The following ZC3H7B variants were observed in gnomAD, a reference collection of about 807,000 sequenced individuals.
The protein encoded by ZC3H7B is zinc finger CCCH-type containing 7B, also known as zinc finger CCCH domain-containing protein 7B.
Under a neutral mutation model 116.0 loss-of-function variants are expected in ZC3H7B, and 35 were observed. The observed-to-expected ratio is 0.30, with a 90% confidence interval of 0.23 to 0.40. The LOEUF (loss-of-function observed/expected upper bound fraction) is 0.40, where lower values mean the gene tolerates loss of function less well. Ranked by LOEUF, ZC3H7B falls within the 10% of genes least tolerant of loss-of-function variation. The probability of loss-of-function intolerance (pLI) is 1.00; values close to 1 mark genes in which losing one functional copy is unlikely to be tolerated. For missense variants in ZC3H7B, 1,011 were observed against 1,321.5 expected, an observed-to-expected ratio of 0.77 and a Z score of 3.64; for synonymous variants, 502 against 545.6, an observed-to-expected ratio of 0.92 and a Z score of 1.11.
At chr22:41,347,700 C>T (rs1197631051) in intron 14 of ZC3H7B, among the ~76,000 whole-genome samples, 1 of 152,216 alleles carries the variant, frequency 6.6e-6, no homozygotes, top group Non-Finnish European at 1.5e-5. Flanking sequence ...CTTGTGCCAA[C>T]CCCCCACAGG....
chr22:41,348,250 T>C, intron 15 of ZC3H7B, 83 bp downstream of exon 15: 8 of 1,263,796 alleles, frequency 6.3e-6, no homozygotes, highest in South Asian at 1.2e-5. Flanking sequence ...GAGGAAAGGC[T>C]GAACTGAAAG....
At position 41,343,628 on chromosome 22, in the gene ZC3H7B, C is replaced by T; in HGVS notation, c.1459+52C>T. 3 of 1,507,026 alleles carry T rather than the reference C, an allele frequency of 2.0e-6. No homozygotes were observed. In the South Asian group the frequency reaches 3.9e-5, roughly 20 times the overall value. The allele number at this position is 1,507,026 out of a possible 1,614,324, so 93.4% of individuals were successfully genotyped here. A position where few individuals can be genotyped will look rare whatever the true frequency, so the allele number is the denominator to read the frequency against. On this transcript the variant is annotated intron_variant, in intron 13 of 22. Transcript: ENST00000352645. ...GCACAGCTGGGGCCCAGCCCCTCCA[C>T]CCCCAGCCGCTGCTCTACTCCCCAT...
intron 21 of ZC3H7B, 34 bp downstream of exon 21, chr22:41,356,510 G>A: frequency 6.2e-7 from 1 of 1,613,190 alleles, no homozygotes; most frequent in Non-Finnish European, 8.5e-7. Flanking sequence ...CGGGGCTGCG[G>A]TCGGGGCTGT....
intron 13 of ZC3H7B, among the ~76,000 whole-genome samples, chr22:41,344,459 C>T (rs750827425): frequency 6.6e-6 from 1 of 152,210 alleles, no homozygotes; most frequent in Non-Finnish European, 1.5e-5. Context: ...CCTAACCATT[C>T]CCCAAATGCA....
rs1010096364 is a variant in ZC3H7B at position 41,302,667 on chromosome 22, T to C, written c.-7+895T>C. ...TCCTTTCTCCTCAACTCTGTCTGTT[T>C]TAGGCGTTTATAAGGCGCCTGGTTG... On this transcript the variant is annotated intron_variant, in intron 1 of 22. Transcript: ENST00000352645. This position sits in a 1 kb window ranked among gnomAD's most constrained non-coding sequence, Gnocchi z 5.7. 6.6e-6 allele frequency among the ~76,000 whole-genome samples: 1 copy of C among 152,224 alleles called. No homozygotes were observed. Among genetic ancestry groups the C allele is most frequent in the African/African-American group, 2.4e-5 (1 of 41,470 alleles).
intron 14 of ZC3H7B, among the ~76,000 whole-genome samples, chr22:41,347,249 G>C (rs1266344399): frequency 6.6e-6 from 1 of 152,226 alleles, no homozygotes; most frequent in Non-Finnish European, 1.5e-5. Flanking sequence ...CCTTGTTGTG[G>C]GTATGATGTA....
chr22:41,341,859 C>T (rs959036802), intron 11 of ZC3H7B, among the ~76,000 whole-genome samples: 3 of 151,720 alleles, frequency 2.0e-5, no homozygotes, highest in Admixed American at 2.0e-4. Flanking sequence ...GTCAGGAGTT[C>T]GAGACCAGCC....
intron 1 of ZC3H7B, among the ~76,000 whole-genome samples, chr22:41,320,358 C>T (rs1338314847): frequency 1.3e-5 from 2 of 151,730 alleles, no homozygotes; most frequent in East Asian, 1.9e-4. Flanking sequence ...AGAGTTTTCC[C>T]TTGAACTTGA....
At position 41,359,498 on chromosome 22, in the gene ZC3H7B, G is replaced by C. The variant is rs1171652337; in HGVS notation, c.*2069G>C. On this transcript the variant is annotated 3_prime_UTR_variant, in exon 23 of 23. Coordinates refer to ENST00000352645, the MANE Select transcript of ZC3H7B (RefSeq NM_017590.6). ...GAGGTGATTCGGGCAGCCAGGGACA[G>C]GAGCCACCCTCCCCAGGCCCAACTC... The C allele has an allele frequency of 6.6e-6, 1 of 152,214 alleles. No homozygotes were observed. Among genetic ancestry groups the C allele is most frequent in the Non-Finnish European group, 1.5e-5 (1 of 68,088 alleles). 9.4% of individuals were successfully genotyped at this position (152,214 alleles called of 1,614,324 possible).
At position 41,302,285 on chromosome 22, in the gene ZC3H7B, G is replaced by A. The variant is rs1217289290; in HGVS notation, c.-7+513G>A. Among the ~76,000 whole-genome samples the A allele has an allele frequency of 1.3e-5, 2 of 151,838 alleles. No homozygotes were observed. Among genetic ancestry groups the A allele is most frequent in the Admixed American group, 6.6e-5 (1 of 15,258 alleles). On this transcript the variant is annotated intron_variant, in intron 1 of 22. Coordinates refer to ENST00000352645, the MANE Select transcript of ZC3H7B (RefSeq NM_017590.6). The surrounding 1 kb of genome is among the most constrained non-coding windows in gnomAD (Gnocchi z 5.7). ...GGGGCCGCGGCGAGGGCCGGGGAGC[G>A]GGGCCGCCCGACGGGCCGCCCCTTT...
rs1235381822 is a variant in ZC3H7B at position 41,355,829 on chromosome 22, G to A, written c.2241G>A (p.Leu747=). The change falls in exon 19 of 23, where the codon CTG becomes CTA. Residue 747 remains leucine (L), a synonymous_variant. Transcript: ENST00000352645. ...AKRKWVSVRP[L]PSIRNFPQQY... ...GGAAATGGGTGTCAGTGAGGCCACT[G>A]CCATCCATTCGTAACTTCCCACAGC... 1.2e-6 allele frequency: 2 copies of A among 1,613,654 alleles called. No homozygotes were observed. The highest frequency in any genetic ancestry group is 1.7e-6 in the Non-Finnish European group (2 of 1,180,002).
At chr22:41,344,425 G>A (rs1468593724) in intron 13 of ZC3H7B, among the ~76,000 whole-genome samples, 7 of 152,170 alleles carry the variant, frequency 4.6e-5, no homozygotes, top group Admixed American at 6.5e-5. Context: ...ACACGTGCCC[G>A]TATCCACCCC....
intron 6 of ZC3H7B, 47 bp downstream of exon 6, chr22:41,330,150 G>T (rs1334020239): frequency 1.9e-6 from 3 of 1,603,168 alleles, no homozygotes; most frequent in African/African-American, 1.3e-5. Flanking sequence ...ACGTGAGGAG[G>T]TCTGAAGGGA....
chr22:41,310,289 A>C (rs953738560), intron 1 of ZC3H7B, among the ~76,000 whole-genome samples: 3 of 152,146 alleles, frequency 2.0e-5, no homozygotes, highest in Non-Finnish European at 4.4e-5. Context: ...AGAAACATGA[A>C]TTTCTGACCC....
intron 22 of ZC3H7B, 132 bp downstream of exon 22, chr22:41,356,940 A>T (rs1109151): frequency 3.0e-4 from 376 of 1,249,302 alleles, no homozygotes; most frequent in Middle Eastern, 5.8e-4. Flanking sequence ...GACTGCAGCC[A>T]TGGGGGTGGT....
rs757989990 is a variant in ZC3H7B, at chr22:41,346,080, A to G, written c.1537A>G (p.Thr513Ala). 6.8e-6 allele frequency: 11 copies of G among 1,613,858 alleles called. No individual in the cohort carries two copies. In the East Asian group the frequency reaches 2.2e-4, roughly 33 times the overall value. The change falls in exon 14 of 23, where the codon ACC becomes GCC. Residue 513 changes from threonine (T) to alanine (A), a missense_variant. This residue lies in a region of ZC3H7B where 179 missense variants were observed against 178.5 expected (regional missense o/e 1.00). Transcript: ENST00000352645. This position sits in a 1 kb window ranked among gnomAD's most constrained non-coding sequence, Gnocchi z 5.3. ...CCATCAGGAGGAGATCGACGTGTGG[A>G]CCGAGGAGCGGAAGGGCACCCTCAA... ...AYHQEEIDVW[T>A]EERKGTLNRD...
rs1569235131 is a variant in ZC3H7B, at chr22:41,327,023, A to T, written c.286-183A>T. Among the ~76,000 whole-genome samples, 1 of 152,158 alleles carries T rather than the reference A, an allele frequency of 6.6e-6. No homozygotes were observed. ...TGGACACACAGACACCCTTGATCAGAGTCTGGACACCAGAGTGCTTCCTTC... is the reference window on the plus strand; with the variant it reads ...TGGACACACAGACACCCTTGATCAGTGTCTGGACACCAGAGTGCTTCCTTC... On this transcript the variant is annotated intron_variant, in intron 4 of 22. Coordinates refer to ENST00000352645, the MANE Select transcript of ZC3H7B (RefSeq NM_017590.6). This position sits in a 1 kb window ranked among gnomAD's most constrained non-coding sequence, Gnocchi z 4.5.
At chr22:41,345,249 T>G (rs73416829) in intron 13 of ZC3H7B, among the ~76,000 whole-genome samples, 4,719 of 152,330 alleles carry the variant, frequency 0.031, 238 homozygotes, top group African/African-American at 0.1. Flanking sequence ...TTACATGCTC[T>G]TAACCATGCA....
At chr22:41,341,220 G>A in intron 11 of ZC3H7B, 74 bp downstream of exon 11, 1 of 1,572,632 alleles carries the variant, frequency 6.4e-7, no homozygotes, top group Middle Eastern at 1.7e-4. Context: ...TGGGGAATGA[G>A]CCCTCTGCAT....
Sources: allele counts gnomAD v4.1 joint callset (sites outside exome capture counted in the v4.1 genomes callset), GRCh38; gene constraint gnomAD v4.1.1; regional missense constraint gnomAD v4.1.1; non-coding constraint Gnocchi (gnomAD v3.1); transcripts MANE v1.5; gene names NCBI Gene and HGNC (gene_info 2026-07-23, HGNC 2026-07-21).